G2E3: variants seen among roughly 807,000 people sequenced by gnomAD.
The protein encoded by G2E3 is G2/M-phase specific E3 ubiquitin protein ligase, also known as G2/M phase-specific E3 ubiquitin-protein ligase.
Under a neutral mutation model 92.8 loss-of-function variants are expected in G2E3, and 35 were observed. The ratio of observed to expected loss-of-function variants is 0.38; its 90% CI spans 0.29 to 0.50. G2E3 has a LOEUF of 0.50. Among genes scored for constraint, G2E3 ranks in the 20% least tolerant of loss-of-function variants. The probability of loss-of-function intolerance (pLI) is 0.94; values close to 1 mark genes in which losing one functional copy is unlikely to be tolerated. For synonymous variants in G2E3, 242 were observed against 272.4 expected (o/e 0.89, Z 1.10); for missense variants, 554 against 823.8 (o/e 0.67, Z 4.01).
chr14:30,595,394 A>G (rs1458273040), intron 6 of G2E3, among the ~76,000 whole-genome samples: 3 of 152,192 alleles, frequency 2.0e-5, no homozygotes, highest in African/African-American at 7.2e-5. Flanking sequence ...GTTATTTTTC[A>G]TAAGATTTTT....
intron 1 of G2E3, chr14:30,574,637 T>G (rs753706666): frequency 6.6e-6 from 1 of 152,168 alleles, no homozygotes; most frequent in Non-Finnish European, 1.5e-5. Context: ...CATGAGTTCT[T>G]ATCATTTAGC....
chr14:30,566,920 C>G (rs1879471165), intron 1 of G2E3, among the ~76,000 whole-genome samples: 1 of 152,134 alleles, frequency 6.6e-6, no homozygotes, highest in African/African-American at 2.4e-5. Flanking sequence ...AATGCTTTTT[C>G]TGCATCTATT....
intron 8 of G2E3, 38 bp downstream of exon 8, chr14:30,598,637 G>A (rs1416801837): frequency 8.2e-7 from 1 of 1,218,412 alleles, no homozygotes. Context: ...GTGGTTCCTT[G>A]TTTAAACCTT....
intron 1 of G2E3, chr14:30,560,697 T>G (rs1231304349): frequency 3.1e-6 from 2 of 653,648 alleles, no homozygotes; most frequent in African/African-American, 1.8e-5. Context: ...TTGCTCTTTC[T>G]TAAATCAGTG....
chr14:30,569,832 C>G (rs535081019), intron 1 of G2E3, among the ~76,000 whole-genome samples: 1 of 152,268 alleles, frequency 6.6e-6, no homozygotes, highest in East Asian at 1.9e-4. Flanking sequence ...AGAGCAACTT[C>G]CAGAAGAAAT....
chr14:30,588,966 TAG>T (rs1880862352), intron 3 of G2E3, among the ~76,000 whole-genome samples: 1 of 152,176 alleles, frequency 6.6e-6, no homozygotes, highest in African/African-American at 2.4e-5. Context: ...CAGCTAGATT[TAG>T]AGTTAGCCTG....
chr14:30,578,973 C>G (rs1013520071), intron 1 of G2E3, among the ~76,000 whole-genome samples: 3 of 152,114 alleles, frequency 2.0e-5, no homozygotes, highest in Admixed American at 2.0e-4. Context: ...AAATATGGAT[C>G]TGTTTCTGAG....
chr14:30,601,174 A>G (rs1486091855), intron 8 of G2E3, among the ~76,000 whole-genome samples: 2 of 152,196 alleles, frequency 1.3e-5, no homozygotes, highest in African/African-American at 4.8e-5. Context: ...CATACCCAAC[A>G]AAAAGGCTGG....
At position 30,580,806 on chromosome 14, in the gene G2E3, C is replaced by T. The variant is rs1316320337; in HGVS notation, c.-4-270C>T. On this transcript the variant is annotated intron_variant, in intron 1 of 14. Coordinates refer to ENST00000206595, the MANE Select transcript of G2E3 (RefSeq NM_017769.5). ...GACTGTTTGGAGCATTGCAAGATGT[C>T]CTATAATCCTGGCCTCTTTCCACTA... 15 of 358,044 alleles carry T rather than the reference C, an allele frequency of 4.2e-5. 1 individual carries two copies. In the South Asian group the frequency reaches 4.6e-4, roughly 11 times the overall value. 22.2% of individuals were successfully genotyped at this position (358,044 alleles called of 1,614,324 possible).
intron 3 of G2E3, among the ~76,000 whole-genome samples, 192 bp from the exon 4 acceptor site, chr14:30,589,191 C>G (rs1005349898): frequency 6.6e-6 from 1 of 151,910 alleles, no homozygotes; most frequent in Non-Finnish European, 1.5e-5. Flanking sequence ...TGATAATATA[C>G]AGTGCCATCT....
chr14:30,588,450 T>C (rs1373489871), intron 3 of G2E3, among the ~76,000 whole-genome samples: 1 of 152,106 alleles, frequency 6.6e-6, no homozygotes, highest in Non-Finnish European at 1.5e-5. Flanking sequence ...TTGCTCTACA[T>C]GGTGTTTTCA....
At chr14:30,606,898 A>T (rs185047336) in intron 11 of G2E3, among the ~76,000 whole-genome samples, 1 of 152,272 alleles carries the variant, frequency 6.6e-6, no homozygotes, top group Admixed American at 6.5e-5. Context: ...TACTGTTGGG[A>T]GTAAACTTGT....
At chr14:30,576,519 TG>T (rs1424519997) in intron 1 of G2E3, among the ~76,000 whole-genome samples, 1 of 152,152 alleles carries the variant, frequency 6.6e-6, no homozygotes, top group Non-Finnish European at 1.5e-5. Context: ...AATTGACAAG[TG>T]GGATCTAGTT....
chr14:30,603,521 T>G (rs1881681166), intron 10 of G2E3, among the ~76,000 whole-genome samples: 1 of 152,168 alleles, frequency 6.6e-6, no homozygotes, highest in Non-Finnish European at 1.5e-5. Context: ...AATTAGTCGC[T>G]AAGCATGATG....
At chr14:30,609,141 A>G (rs1881971646) in intron 12 of G2E3, among the ~76,000 whole-genome samples, 1 of 152,222 alleles carries the variant, frequency 6.6e-6, no homozygotes, top group Non-Finnish European at 1.5e-5. Flanking sequence ...AGTGTATTAC[A>G]ACAATTCTGT....
intron 14 of G2E3, 32 bp downstream of exon 14, chr14:30,615,571 T>A: frequency 7.6e-7 from 1 of 1,316,818 alleles, no homozygotes. Context: ...CTTTTAACGA[T>A]CTCAGAATAT....
intron 12 of G2E3, among the ~76,000 whole-genome samples, chr14:30,611,007 T>G (rs1408008511): frequency 2.0e-5 from 3 of 152,238 alleles, no homozygotes; most frequent in African/African-American, 4.8e-5. Flanking sequence ...GTTTTCGAGA[T>G]AGAGTTGTGA....
At chr14:30,564,752 A>G (rs1225129846) in intron 1 of G2E3, among the ~76,000 whole-genome samples, 1 of 152,124 alleles carries the variant, frequency 6.6e-6, no homozygotes, top group Non-Finnish European at 1.5e-5. Context: ...CCCTCATTTA[A>G]TATAATGTTT....
chr14:30,590,057 C>T (rs1014929305), intron 4 of G2E3, among the ~76,000 whole-genome samples: 6 of 152,242 alleles, frequency 3.9e-5, no homozygotes, highest in Admixed American at 2.0e-4. Flanking sequence ...ATCATTTGTG[C>T]ATCTTCTATA....
Sources: allele counts gnomAD v4.1 joint callset (sites outside exome capture counted in the v4.1 genomes callset), GRCh38; gene constraint gnomAD v4.1.1; transcripts MANE v1.5; gene names NCBI Gene and HGNC (gene_info 2026-07-23, HGNC 2026-07-21).